The following SEL1L2 variants were observed in gnomAD, a reference collection of about 807,000 sequenced individuals.
The protein encoded by SEL1L2 is SEL1L2 adaptor subunit of SYVN1 ubiquitin ligase.
Under a neutral mutation model 98.8 loss-of-function variants are expected in SEL1L2, and 89 were observed. The observed-to-expected ratio is 0.90, with a 90% CI of 0.76 to 1.07. SEL1L2 has a LOEUF of 1.07. Among genes scored for constraint, SEL1L2 ranks in the 50% least tolerant of loss-of-function variants. The pLI, the probability that SEL1L2 is intolerant of heterozygous loss-of-function variation, is 0.00. For missense variants in SEL1L2, 788 were observed against 812.0 expected (o/e 0.97, Z 0.36); for synonymous variants, 262 against 278.5 (o/e 0.94, Z 0.59).
chr20:13,935,355 AT>A (rs1351283873), intron 2 of SEL1L2, among the ~76,000 whole-genome samples: 3 of 152,154 alleles, frequency 2.0e-5, no homozygotes, highest in Non-Finnish European at 4.4e-5. Flanking sequence ...CTTGCAGCTG[AT>A]TTTCTGCCAG....
At chr20:13,907,678 T>TTTTCTCTTTCTTTCTTTC (rs1309713302) in intron 5 of SEL1L2, among the ~76,000 whole-genome samples, 1 of 151,036 alleles carries the variant, frequency 6.6e-6, no homozygotes, top group Non-Finnish European at 1.5e-5. Context: ...TAATTTCTCT[T>TTTTCTCTTTCTTTCTTTC]TTTCTCTTTC....
At chr20:13,968,533 T>A (rs2051147592) in intron 1 of SEL1L2, among the ~76,000 whole-genome samples, 2 of 152,160 alleles carry the variant, frequency 1.3e-5, no homozygotes, top group Admixed American at 1.3e-4. Context: ...TAACTGATGG[T>A]TTTTCTTGGT....
intron 1 of SEL1L2, among the ~76,000 whole-genome samples, chr20:13,965,301 A>C (rs995718459): frequency 2.6e-5 from 4 of 152,216 alleles, no homozygotes; most frequent in Non-Finnish European, 2.9e-5. Context: ...AACGAGGATG[A>C]TTCTAAAACC....
At chr20:13,986,818 A>T (rs1426647840) in intron 1 of SEL1L2, among the ~76,000 whole-genome samples, 4 of 152,158 alleles carry the variant, frequency 2.6e-5, no homozygotes, top group African/African-American at 7.2e-5. Flanking sequence ...TGCAAAAGTA[A>T]TTGTGGTTTT....
chr20:13,994,241 A>G (rs2052587836), upstream of SEL1L2, among the ~76,000 whole-genome samples: 1 of 139,920 alleles, frequency 7.1e-6, no homozygotes, highest in Admixed American at 7.6e-5. Context: ...GGTTGCAGTG[A>G]GCTGAGATGG....
chr20:13,922,696 C>A (rs1269130688), intron 3 of SEL1L2, among the ~76,000 whole-genome samples: 1 of 152,152 alleles, frequency 6.6e-6, no homozygotes, highest in African/African-American at 2.4e-5. Flanking sequence ...ATATTCACCT[C>A]GCTCACTTGT....
intron 1 of SEL1L2, among the ~76,000 whole-genome samples, chr20:13,957,357 C>T (rs1356398718): frequency 1.3e-5 from 2 of 152,210 alleles, no homozygotes; most frequent in African/African-American, 4.8e-5. Flanking sequence ...CTGCCTCAGC[C>T]TCCCAAAGTG....
At chr20:13,877,263 G>T (rs868715088) in intron 11 of SEL1L2, among the ~76,000 whole-genome samples, 5 of 152,304 alleles carry the variant, frequency 3.3e-5, no homozygotes, top group Middle Eastern at 6.8e-3. Flanking sequence ...CGTGAAAGAG[G>T]CCTGCTGCCC....
chr20:13,933,885 T>G (rs1418718314), intron 2 of SEL1L2, among the ~76,000 whole-genome samples: 1 of 152,178 alleles, frequency 6.6e-6, no homozygotes, highest in African/African-American at 2.4e-5. Context: ...TTTCAGCTAC[T>G]TTCTTTTTTT....
intron 5 of SEL1L2, among the ~76,000 whole-genome samples, chr20:13,901,718 T>G (rs1159845481): frequency 1.3e-5 from 2 of 151,250 alleles, no homozygotes; most frequent in South Asian, 2.1e-4. Flanking sequence ...CTGGAGTGCA[T>G]TGGCACGATC....
At chr20:13,882,128 A>C (rs1265401211) in intron 10 of SEL1L2, among the ~76,000 whole-genome samples, 1 of 152,054 alleles carries the variant, frequency 6.6e-6, no homozygotes, top group African/African-American at 2.4e-5. Context: ...AAGAAAATAA[A>C]AAGAAAAGAA....
intron 10 of SEL1L2, among the ~76,000 whole-genome samples, chr20:13,885,061 CGT>C (rs2046886860): frequency 6.6e-6 from 1 of 152,046 alleles, no homozygotes; most frequent in African/African-American, 2.4e-5. Flanking sequence ...GCCCAAAGTG[CGT>C]GTGAGTGCGC....
intron 5 of SEL1L2, 119 bp from the exon 6 acceptor site, chr20:13,888,631 T>TTA: frequency 2.2e-5 from 8 of 359,616 alleles, no homozygotes; most frequent in East Asian, 6.9e-5. Flanking sequence ...ATTTCTTTCT[T>TTA]TCTCTTTTTT....
At chr20:13,987,720 T>C (rs1417201239) in intron 1 of SEL1L2, among the ~76,000 whole-genome samples, 1 of 152,230 alleles carries the variant, frequency 6.6e-6, no homozygotes, top group African/African-American at 2.4e-5. Flanking sequence ...TTTTTGCTTT[T>C]ATTTCCCTAA....
At chr20:13,862,329 A>G (rs1264038436) in intron 17 of SEL1L2, among the ~76,000 whole-genome samples, 2 of 152,172 alleles carry the variant, frequency 1.3e-5, no homozygotes, top group African/African-American at 2.4e-5. Context: ...CTTGGGGTCT[A>G]TGTTCCCATC....
At chr20:13,857,770 T>C (rs1202790454) in intron 18 of SEL1L2, among the ~76,000 whole-genome samples, 1 of 152,236 alleles carries the variant, frequency 6.6e-6, no homozygotes, top group African/African-American at 2.4e-5. Flanking sequence ...ATTGAAGCCT[T>C]ACTTAGCAGT....
intron 2 of SEL1L2, among the ~76,000 whole-genome samples, chr20:13,953,766 G>A (rs2423767): frequency 0.22 from 33,614 of 151,926 alleles, 4,319 homozygotes; most frequent in African/African-American, 0.36. Flanking sequence ...TGCCCTTCTC[G>A]CCCTTCAAAG....
chr20:13,938,088 T>C (rs6135028), intron 2 of SEL1L2, among the ~76,000 whole-genome samples: 19 of 119,516 alleles, frequency 1.6e-4, no homozygotes, highest in East Asian at 1.4e-3. Context: ...CTTTTCTTTT[T>C]TTTTTTTTTT....
At chr20:13,877,031 GC>G (rs1368474992) in intron 11 of SEL1L2, among the ~76,000 whole-genome samples, 6 of 151,982 alleles carry the variant, frequency 3.9e-5, no homozygotes, top group Non-Finnish European at 7.4e-5. Flanking sequence ...CACCATGTTG[GC>G]CAGGCTGGTC....
Sources: gnomAD v4.1 joint callset for allele counts (sites outside exome capture counted in the v4.1 genomes callset) on GRCh38, gnomAD v4.1.1 for gene constraint, MANE v1.5 for transcripts, NCBI Gene and HGNC (gene_info 2026-07-23, HGNC 2026-07-21) for gene names.